Variants in SLC44A3 observed in about 807,000 individuals in gnomAD.
SLC44A3 encodes the protein solute carrier family 44 member 3.
SLC44A3 carries 74 observed loss-of-function variants against 75.4 expected under a neutral mutation model. The ratio of observed to expected loss-of-function variants is 0.98; its 90% CI spans 0.81 to 1.19. The LOEUF (loss-of-function observed/expected upper bound fraction) is 1.19. Ranked by LOEUF, SLC44A3 falls within the 50% of genes most tolerant of loss-of-function variation. The pLI, the probability that SLC44A3 is intolerant of heterozygous loss-of-function variation, is 0.00. For synonymous variants in SLC44A3, 310 were observed against 296.9 expected, an observed-to-expected ratio of 1.04 and a Z score of -0.45; for missense variants, 700 against 778.6, an observed-to-expected ratio of 0.90 and a Z score of 1.20.
intron 10 of SLC44A3, among the ~76,000 whole-genome samples, chr1:94,858,317 T>G (rs1419649254): frequency 7.2e-5 from 11 of 152,208 alleles, no homozygotes; most frequent in Admixed American, 7.2e-4. Context: ...TTACAAAATA[T>G]AATTTATATT....
intron 12 of SLC44A3, among the ~76,000 whole-genome samples, chr1:94,884,961 A>G (rs1669400959): frequency 6.6e-6 from 1 of 152,188 alleles, no homozygotes; most frequent in African/African-American, 2.4e-5. Context: ...TGAGAATAAT[A>G]CCGGCCAGGC....
chr1:94,862,747 GA>G (rs1666722210), intron 10 of SLC44A3, among the ~76,000 whole-genome samples: 1 of 152,122 alleles, frequency 6.6e-6, no homozygotes, highest in Non-Finnish European at 1.5e-5. Context: ...GAGAGATGAG[GA>G]AGGCTGACTG....
intron 3 of SLC44A3, among the ~76,000 whole-genome samples, chr1:94,826,390 G>C (rs1661345807): frequency 6.6e-6 from 1 of 152,190 alleles, no homozygotes; most frequent in African/African-American, 2.4e-5. Context: ...AGTGGCTCAT[G>C]CCTGTAATCC....
intron 14 of SLC44A3, among the ~76,000 whole-genome samples, chr1:94,893,411 G>A (rs1670433753): frequency 6.6e-6 from 1 of 150,998 alleles, no homozygotes; most frequent in African/African-American, 2.4e-5. Context: ...ACAGAGTTTT[G>A]CTCTTGTTGC....
chr1:94,832,495 G>A (rs1426697534), intron 5 of SLC44A3, among the ~76,000 whole-genome samples: 1 of 152,122 alleles, frequency 6.6e-6, no homozygotes, highest in Non-Finnish European at 1.5e-5. Flanking sequence ...ATGACTTACA[G>A]GATGTAGTCA....
intron 12 of SLC44A3, among the ~76,000 whole-genome samples, chr1:94,885,487 C>T (rs538555711): frequency 9.2e-5 from 14 of 152,192 alleles, no homozygotes; most frequent in Admixed American, 1.3e-4. Context: ...GGAATCCAGC[C>T]TCTTTCCACT....
chr1:94,888,626 T>C lies in SLC44A3; in HGVS notation c.1483-2504T>C, dbSNP rs1231665521. On this transcript the variant is annotated intron_variant, in intron 12 of 14. Coordinates refer to ENST00000271227, the MANE Select transcript of SLC44A3 (RefSeq NM_001114106.3). ...TCTATGTAAGTCCAAAACCAAAATT[T>C]CCTTGTGGAACTTTCTTTTTTTTTT... 5 of 981,870 alleles carry C rather than the reference T, an allele frequency of 5.1e-6. No homozygotes were observed. The East Asian group carries it at 3.4e-4, about 67-fold the overall frequency. 60.8% of individuals were successfully genotyped at this position (981,870 alleles called of 1,614,324 possible).
At chr1:94,856,209 G>A (rs1195032564) in intron 9 of SLC44A3, among the ~76,000 whole-genome samples, 3 of 152,130 alleles carry the variant, frequency 2.0e-5, no homozygotes, top group Admixed American at 1.3e-4. Flanking sequence ...CTTATGGCGC[G>A]ATATGTCTAT....
chr1:94,850,744 G>A (rs774182085), intron 9 of SLC44A3, among the ~76,000 whole-genome samples: 28 of 152,132 alleles, frequency 1.8e-4, no homozygotes, highest in Non-Finnish European at 2.5e-4. Flanking sequence ...TGCAAATAAG[G>A]GACCATATGT....
At position 94,888,604 on chromosome 1, in the gene SLC44A3, A is replaced by G. The variant is rs571574546; in HGVS notation, c.1483-2526A>G. On this transcript the variant is annotated intron_variant, in intron 12 of 14. Coordinates refer to ENST00000271227, the MANE Select transcript of SLC44A3 (RefSeq NM_001114106.3). ...TCAAAGCAAATTTCACGCACATTCT[A>G]TGTAAGTCCAAAACCAAAATTTCCT... 8 of 930,156 alleles carry G rather than the reference A, an allele frequency of 8.6e-6. No homozygotes were observed. In the South Asian group the frequency reaches 1.5e-4, roughly 17 times the overall value. The allele number at this position is 930,156 out of a possible 1,614,324, so 57.6% of individuals were successfully genotyped here.
At chr1:94,893,631 C>A (rs1670460481) in intron 14 of SLC44A3, among the ~76,000 whole-genome samples, 1 of 152,098 alleles carries the variant, frequency 6.6e-6, no homozygotes, top group African/African-American at 2.4e-5. Flanking sequence ...CTGCCTCGGC[C>A]TCCCACAAGT....
intron 12 of SLC44A3, among the ~76,000 whole-genome samples, chr1:94,879,583 T>A (rs1306510227): frequency 6.9e-6 from 1 of 145,552 alleles, no homozygotes; most frequent in South Asian, 2.2e-4. Context: ...TTCATGCCTG[T>A]AATCTCAGCA....
At chr1:94,890,729 C>G (rs967929913) in intron 12 of SLC44A3, among the ~76,000 whole-genome samples, 1 of 152,182 alleles carries the variant, frequency 6.6e-6, no homozygotes. Context: ...CGCCTGTAAT[C>G]CCAGCTACTC....
At chr1:94,825,765 C>T (rs1302980259) in intron 3 of SLC44A3, 2 of 451,534 alleles carry the variant, frequency 4.4e-6, no homozygotes, top group African/African-American at 2.0e-5. Context: ...CTGAGTGTTG[C>T]TCCTAAGGGG....
At chr1:94,857,899 C>T (rs1374777332) in intron 10 of SLC44A3, among the ~76,000 whole-genome samples, 6 of 149,512 alleles carry the variant, frequency 4.0e-5, no homozygotes, top group Non-Finnish European at 3.0e-5. Flanking sequence ...CTGCAAGCTC[C>T]GCCTCCTGGG....
At chr1:94,879,857 A>T (rs1668762040) in intron 12 of SLC44A3, among the ~76,000 whole-genome samples, 2 of 152,060 alleles carry the variant, frequency 1.3e-5, no homozygotes, top group South Asian at 2.1e-4. Context: ...AAAAAAAGAA[A>T]AAAAAAGGAA....
At chr1:94,841,205 C>A (rs1011429071) in intron 7 of SLC44A3, among the ~76,000 whole-genome samples, 1 of 152,198 alleles carries the variant, frequency 6.6e-6, no homozygotes, top group Non-Finnish European at 1.5e-5. Context: ...CACATCTAAG[C>A]ACAGAAAAGT....
chr1:94,852,056 AT>A (rs1665282401), intron 9 of SLC44A3, among the ~76,000 whole-genome samples: 1 of 152,238 alleles, frequency 6.6e-6, no homozygotes, highest in African/African-American at 2.4e-5. Flanking sequence ...AATCTCTTTA[AT>A]AGAATATATT....
chr1:94,884,568 G>A (rs558886489), intron 12 of SLC44A3, among the ~76,000 whole-genome samples: 16 of 152,206 alleles, frequency 1.1e-4, no homozygotes, highest in South Asian at 2.1e-4. Context: ...AATAAATATC[G>A]GAACTCTGTG....
Sources: gnomAD v4.1 joint callset for allele counts (sites outside exome capture counted in the v4.1 genomes callset) on GRCh38, gnomAD v4.1.1 for gene constraint, MANE v1.5 for transcripts, NCBI Gene and HGNC (gene_info 2026-07-23, HGNC 2026-07-21) for gene names.